The following DPP10 variants were observed in gnomAD, a reference collection of about 807,000 sequenced individuals.
The protein encoded by DPP10 is dipeptidyl peptidase like 10, also known as inactive dipeptidyl peptidase 10.
DPP10 carries 33 observed loss-of-function variants against 120.9 expected under a neutral mutation model. The observed-to-expected ratio is 0.27, with a 90% CI of 0.21 to 0.37. DPP10 has a LOEUF of 0.37. Ranked by LOEUF, DPP10 falls within the 10% of genes least tolerant of loss-of-function variation. The pLI, the probability that DPP10 is intolerant of heterozygous loss-of-function variation, is 1.00. For missense variants in DPP10, 816 were observed against 942.8 expected (o/e 0.87, Z 1.76); for synonymous variants, 337 against 326.1 (o/e 1.03, Z -0.36).
intron 1 of DPP10, among the ~76,000 whole-genome samples, chr2:115,159,229 T>C (rs2052119559): frequency 1.3e-5 from 2 of 151,832 alleles, no homozygotes; most frequent in Non-Finnish European, 1.5e-5. Flanking sequence ...GAGGCCGGGG[T>C]GGGCGGATAA....
intron 3 of DPP10, among the ~76,000 whole-genome samples, chr2:115,389,141 T>C (rs1166166465): frequency 1.3e-5 from 2 of 152,190 alleles, no homozygotes; most frequent in African/African-American, 4.8e-5. Flanking sequence ...ATGTATTCTA[T>C]GATTCCTTGA....
intron 19 of DPP10, among the ~76,000 whole-genome samples, chr2:115,799,206 A>C (rs1004627640): frequency 1.3e-5 from 2 of 152,098 alleles, no homozygotes; most frequent in East Asian, 1.9e-4. Flanking sequence ...AGTGCATTAT[A>C]CTGACATAAT....
At chr2:114,927,129 G>A (rs193125846) in intron 1 of DPP10, among the ~76,000 whole-genome samples, 39 of 152,118 alleles carry the variant, frequency 2.6e-4, no homozygotes, top group African/African-American at 6.7e-4. Flanking sequence ...GATTACAGGC[G>A]TGAGCCACCG....
chr2:114,973,136 A>C (rs529011437), intron 1 of DPP10, among the ~76,000 whole-genome samples: 1 of 152,266 alleles, frequency 6.6e-6, no homozygotes, highest in South Asian at 2.1e-4. Context: ...GAACTGAAGA[A>C]TTCCTATTGC....
At chr2:114,607,256 G>T (rs1279769791) in intron 1 of DPP10, among the ~76,000 whole-genome samples, 2 of 152,148 alleles carry the variant, frequency 1.3e-5, no homozygotes, top group Non-Finnish European at 2.9e-5. Flanking sequence ...CAGCAAGAAA[G>T]AAAGATAAAG....
chr2:115,295,567 T>C (rs1207056972), intron 1 of DPP10, among the ~76,000 whole-genome samples: 1 of 152,140 alleles, frequency 6.6e-6, no homozygotes, highest in Admixed American at 6.6e-5. Flanking sequence ...TATTGATTAC[T>C]ACAGTGGAAA....
chr2:115,076,696 A>G (rs1048598071), intron 1 of DPP10, among the ~76,000 whole-genome samples: 5 of 152,152 alleles, frequency 3.3e-5, no homozygotes, highest in Non-Finnish European at 7.4e-5. Flanking sequence ...TCCAAGTTCT[A>G]CATCATATTA....
At position 114,823,068 on chromosome 2, in the gene DPP10, G is replaced by A. The variant is rs1478261592; in HGVS notation, c.60+380230G>A. ...CATGTTTTCAGGTATCTTTACAGCA[G>A]CACCCTACTCTACCGGTACCAATTT... On this transcript the variant is annotated intron_variant, in intron 1 of 25. Transcript: ENST00000410059. Among the ~76,000 whole-genome samples the A allele has an allele frequency of 5.9e-5, 9 of 152,116 alleles. No homozygotes were observed. In the East Asian group the frequency reaches 1.7e-3, roughly 29 times the overall value.
intron 3 of DPP10, among the ~76,000 whole-genome samples, chr2:115,402,090 C>A (rs1176187379): frequency 6.6e-6 from 1 of 152,112 alleles, no homozygotes; most frequent in Non-Finnish European, 1.5e-5. Context: ...CCTTGGACTT[C>A]AGGACAAAGA....
chr2:115,286,491 AATAT>A (rs60213155), intron 1 of DPP10, among the ~76,000 whole-genome samples: 1 of 85,478 alleles, frequency 1.2e-5, no homozygotes, highest in East Asian at 3.3e-4. Flanking sequence ...ATATATATAT[AATAT>A]ATATATATTA....
At chr2:115,084,931 T>C (rs1708570573) in intron 1 of DPP10, among the ~76,000 whole-genome samples, 1 of 152,178 alleles carries the variant, frequency 6.6e-6, no homozygotes, top group African/African-American at 2.4e-5. Context: ...TTATTCTTCT[T>C]GGTTACAGAG....
chr2:114,521,617 C>G (rs1311660731), intron 1 of DPP10, among the ~76,000 whole-genome samples: 2 of 151,630 alleles, frequency 1.3e-5, no homozygotes, highest in African/African-American at 4.8e-5. Context: ...CAACTAAAAC[C>G]AGAATCTTAA....
intron 21 of DPP10, among the ~76,000 whole-genome samples, chr2:115,832,618 A>T (rs1689045904): frequency 6.6e-6 from 1 of 152,234 alleles, no homozygotes; most frequent in Non-Finnish European, 1.5e-5. Context: ...TATCATAAAG[A>T]CTTAGAAAAT....
chr2:115,337,129 TG>T (rs2063187312), intron 2 of DPP10, among the ~76,000 whole-genome samples: 1 of 145,072 alleles, frequency 6.9e-6, no homozygotes, highest in African/African-American at 2.6e-5. Context: ...TGTAGACAAG[TG>T]TCTTGAAGAA....
chr2:114,829,738 A>G (rs373416137), intron 1 of DPP10, among the ~76,000 whole-genome samples: 4 of 152,012 alleles, frequency 2.6e-5, no homozygotes, highest in African/African-American at 7.2e-5. Context: ...ATAGGGAAAT[A>G]CATTTTACTT....
intron 1 of DPP10, among the ~76,000 whole-genome samples, chr2:114,775,464 A>G (rs1681643223): frequency 6.6e-6 from 1 of 152,168 alleles, no homozygotes; most frequent in African/African-American, 2.4e-5. Flanking sequence ...AAAGCCATGC[A>G]CAGCAACTCA....
chr2:115,645,440 C>G (rs187660027), intron 5 of DPP10, among the ~76,000 whole-genome samples: 62 of 152,254 alleles, frequency 4.1e-4, no homozygotes, highest in Middle Eastern at 3.4e-3. Flanking sequence ...CTTCCCAATC[C>G]CCACCAGCCA....
chr2:115,239,701 C>T (rs988898465), intron 1 of DPP10, among the ~76,000 whole-genome samples: 2 of 152,100 alleles, frequency 1.3e-5, no homozygotes, highest in African/African-American at 4.8e-5. Flanking sequence ...TTGCCACACC[C>T]ATCAACCCAT....
chr2:115,130,065 C>A (rs897833268), intron 1 of DPP10, among the ~76,000 whole-genome samples: 1 of 152,142 alleles, frequency 6.6e-6, no homozygotes, highest in African/African-American at 2.4e-5. Flanking sequence ...AATTAATTTT[C>A]CATCTAATCA....
Sources: gnomAD v4.1 joint callset for allele counts (sites outside exome capture counted in the v4.1 genomes callset) on GRCh38, gnomAD v4.1.1 for gene constraint, MANE v1.5 for transcripts, NCBI Gene and HGNC (gene_info 2026-07-23, HGNC 2026-07-21) for gene names.